PHLPP1: variants seen among roughly 807,000 people sequenced by gnomAD.
PHLPP1 encodes the protein PH domain and leucine rich repeat protein phosphatase 1.
PHLPP1 carries 42 observed loss-of-function variants against 117.2 expected under a neutral mutation model. The ratio of observed to expected loss-of-function variants is 0.36; its 90% CI spans 0.28 to 0.46. PHLPP1 has a LOEUF of 0.46. Ranked by LOEUF, PHLPP1 falls within the 20% of genes least tolerant of loss-of-function variation. PHLPP1 has a pLI of 1.00. For synonymous variants in PHLPP1, 1,042 were observed against 970.7 expected (o/e 1.07, Z -1.37); for missense variants, 2,084 against 2,241.9 (o/e 0.93, Z 1.42).
chr18:62,798,361 T>C lies in PHLPP1; in HGVS notation c.1577-31674T>C, dbSNP rs375832451. 2.6e-4 allele frequency among the ~76,000 whole-genome samples: 40 copies of C among 152,296 alleles called. 2 individuals carry two copies. In the South Asian group the frequency reaches 8.1e-3, roughly 31 times the overall value. The stretch of plus-strand genomic sequence containing the variant: ...TCCACTCATCCTTTTTGTCCTATCT[T>C]GCATCTTTCTTAAATTTTTCTTTGA... On this transcript the variant is annotated intron_variant, in intron 1 of 16. Coordinates refer to ENST00000262719, the MANE Select transcript of PHLPP1 (RefSeq NM_194449.4).
At chr18:62,913,739 C>CTTTT (rs398033174) in intron 8 of PHLPP1, among the ~76,000 whole-genome samples, 57 of 100,708 alleles carry the variant, frequency 5.7e-4, no homozygotes, top group African/African-American at 1.2e-3. Flanking sequence ...CTCTCTCTCT[C>CTTTT]TTTTTTTTTT....
At chr18:62,953,153 T>G (rs1476395901) in intron 12 of PHLPP1, among the ~76,000 whole-genome samples, 1 of 152,246 alleles carries the variant, frequency 6.6e-6, no homozygotes, top group Non-Finnish European at 1.5e-5. Context: ...TGCATATTTA[T>G]TTTACTATTA....
chr18:62,792,868 CAAAA>C (rs71160870), intron 1 of PHLPP1, among the ~76,000 whole-genome samples: 2,835 of 56,624 alleles, frequency 0.05, 32 homozygotes, highest in Non-Finnish European at 0.074. Context: ...GCCTCTGTCT[CAAAA>C]AAAAAAAAAA....
chr18:62,849,008 T>A (rs1915254403), intron 3 of PHLPP1, among the ~76,000 whole-genome samples: 1 of 152,048 alleles, frequency 6.6e-6, no homozygotes, highest in African/African-American at 2.4e-5. Context: ...ATATACAGAG[T>A]TGGCAGCAGA....
At chr18:62,780,432 A>C (rs1913086310) in intron 1 of PHLPP1, among the ~76,000 whole-genome samples, 1 of 152,186 alleles carries the variant, frequency 6.6e-6, no homozygotes, top group South Asian at 2.1e-4. Context: ...GTCATTTGAG[A>C]ATTTTATGAT....
chr18:62,786,126 GAC>G (rs768746853), intron 1 of PHLPP1, among the ~76,000 whole-genome samples: 7 of 152,182 alleles, frequency 4.6e-5, no homozygotes, highest in African/African-American at 7.2e-5. Context: ...CTAAAAGAGA[GAC>G]ATTACATTTC....
chr18:62,792,826 G>A (rs1238687336), intron 1 of PHLPP1, among the ~76,000 whole-genome samples: 2 of 142,216 alleles, frequency 1.4e-5, no homozygotes, highest in Non-Finnish European at 1.5e-5. Flanking sequence ...TGGTTGTTGT[G>A]CCACTGCACT....
At chr18:62,930,272 G>C (rs1459920484) in intron 10 of PHLPP1, among the ~76,000 whole-genome samples, 1 of 152,170 alleles carries the variant, frequency 6.6e-6, no homozygotes, top group African/African-American at 2.4e-5. Flanking sequence ...AATTATGACA[G>C]AGTTGAGACT....
At chr18:62,879,387 C>T (rs1187591794) in intron 4 of PHLPP1, among the ~76,000 whole-genome samples, 1 of 151,348 alleles carries the variant, frequency 6.6e-6, no homozygotes, top group African/African-American at 2.4e-5. Context: ...TATAAATTAC[C>T]CAATGGTATT....
chr18:62,876,222 TAAAAA>T (rs568347726), intron 4 of PHLPP1, among the ~76,000 whole-genome samples: 2 of 151,540 alleles, frequency 1.3e-5, no homozygotes, highest in Admixed American at 6.6e-5. Context: ...ACTGGACTTC[TAAAAA>T]AAAATCTATG....
intron 14 of PHLPP1, among the ~76,000 whole-genome samples, chr18:62,968,529 CTTTTTTT>C (rs34849907): frequency 1.4e-4 from 7 of 51,778 alleles, no homozygotes; most frequent in Non-Finnish European, 2.6e-4. Flanking sequence ...CATTATTAGG[CTTTTTTT>C]TTTTTTTTTT....
Position 62,716,113 on chromosome 18 carries a change from T to C in PHLPP1, c.430T>C (p.Ser144Pro). The C allele has an allele frequency of 1.3e-6, 2 of 1,509,998 alleles. No homozygotes were observed. Among genetic ancestry groups the C allele is most frequent in the Non-Finnish European group, 1.8e-6 (2 of 1,136,532 alleles). The allele number at this position is 1,509,998 out of a possible 1,614,324, so 93.5% of individuals were successfully genotyped here. ...AAAASSSSSS[S>P]AAAASHSPGA... ...GGCCGCCTCCTCGTCGTCGTCGTCC[T>C]CGGCCGCTGCTGCCTCGCACTCCCC... The change falls in exon 1 of 17, where the codon TCG becomes CCG. Residue 144 changes from serine (S) to proline (P), a missense_variant. Ser to Pro is a moderately conservative substitution (Grantham distance 74). Around this residue, in one of 2 missense-constraint regions of PHLPP1, gnomAD observed 719 missense variants for 636.0 expected, o/e 1.13. Transcript: ENST00000262719. This position sits in a 1 kb window ranked among gnomAD's most constrained non-coding sequence, Gnocchi z 5.7.
chr18:62,838,996 T>G, intron 3 of PHLPP1, 87 bp downstream of exon 3: 1 of 1,408,378 alleles, frequency 7.1e-7, no homozygotes, highest in Non-Finnish European at 9.8e-7. Context: ...AAAATATGGT[T>G]AGTTACACAC....
At chr18:62,965,650 G>A (rs1396661424) in intron 14 of PHLPP1, among the ~76,000 whole-genome samples, 1 of 150,150 alleles carries the variant, frequency 6.7e-6, no homozygotes, top group Non-Finnish European at 1.5e-5. Flanking sequence ...GTAGAAACAG[G>A]GTTTCACCAT....
chr18:62,754,442 T>C (rs1232963041), intron 1 of PHLPP1, among the ~76,000 whole-genome samples: 1 of 152,256 alleles, frequency 6.6e-6, no homozygotes, highest in African/African-American at 2.4e-5. Flanking sequence ...CTCTGCCAGT[T>C]TCAGTGTAAT....
At chr18:62,952,853 C>T (rs1472968575) in intron 12 of PHLPP1, among the ~76,000 whole-genome samples, 1 of 152,144 alleles carries the variant, frequency 6.6e-6, no homozygotes, top group African/African-American at 2.4e-5. Flanking sequence ...AACTCCTGGC[C>T]TCAAGCAATC....
chr18:62,926,272 G>C (rs1909625707), intron 10 of PHLPP1, among the ~76,000 whole-genome samples: 1 of 152,138 alleles, frequency 6.6e-6, no homozygotes, highest in Admixed American at 6.5e-5. Flanking sequence ...GGGGGCATTG[G>C]AAAGTGGCCG....
intron 1 of PHLPP1, among the ~76,000 whole-genome samples, chr18:62,768,921 A>G (rs1912652514): frequency 6.6e-6 from 1 of 152,180 alleles, no homozygotes; most frequent in Admixed American, 6.5e-5. Context: ...AAAATGATTT[A>G]TATGCTGTAT....
chr18:62,739,693 A>T (rs185596437), intron 1 of PHLPP1, among the ~76,000 whole-genome samples: 5 of 152,188 alleles, frequency 3.3e-5, no homozygotes, highest in African/African-American at 9.7e-5. Context: ...TGGAGCATCC[A>T]TGAAGGAGTT....
Sources: allele counts gnomAD v4.1 joint callset (sites outside exome capture counted in the v4.1 genomes callset), GRCh38; gene constraint gnomAD v4.1.1; regional missense constraint gnomAD v4.1.1; non-coding constraint Gnocchi (gnomAD v3.1); transcripts MANE v1.5; gene names NCBI Gene and HGNC (gene_info 2026-07-23, HGNC 2026-07-21).